The following TMEM131L variants were observed in gnomAD, a reference collection of about 807,000 sequenced individuals.
TMEM131L encodes transmembrane protein 131-like.
TMEM131L carries 54 observed loss-of-function variants against 192.2 expected under a neutral mutation model. The ratio of observed to expected loss-of-function variants is 0.28; its 90% CI spans 0.23 to 0.35. TMEM131L has a LOEUF of 0.35. Among genes scored for constraint, TMEM131L ranks in the 10% least tolerant of loss-of-function variants. The pLI is 1.00. For synonymous variants in TMEM131L, 701 were observed against 704.9 expected (o/e 0.99, Z 0.09); for missense variants, 1,888 against 1,972.9 (o/e 0.96, Z 0.82).
intron 16 of TMEM131L, among the ~76,000 whole-genome samples, chr4:153,589,380 G>A (rs2150817194): frequency 6.6e-6 from 1 of 152,230 alleles, no homozygotes; most frequent in African/African-American, 2.4e-5. Flanking sequence ...TTGAACAAAA[G>A]CACTGTGACG....
At chr4:153,504,469 G>A (rs552533029) in intron 3 of TMEM131L, among the ~76,000 whole-genome samples, 9 of 150,346 alleles carry the variant, frequency 6.0e-5, no homozygotes, top group South Asian at 4.2e-4. Flanking sequence ...TAGTAGAGAC[G>A]GGGTTTCACC....
chr4:153,529,189 A>G (rs1735714760), intron 3 of TMEM131L, among the ~76,000 whole-genome samples: 1 of 152,212 alleles, frequency 6.6e-6, no homozygotes, highest in Admixed American at 6.5e-5. Flanking sequence ...TCTGTAGAAA[A>G]TGGAAATGTT....
chr4:153,557,858 T>A (rs1284646676), intron 6 of TMEM131L, among the ~76,000 whole-genome samples: 1 of 152,186 alleles, frequency 6.6e-6, no homozygotes, highest in Admixed American at 6.5e-5. Flanking sequence ...TGGAGTGCAG[T>A]GGTGTGATCA....
intron 3 of TMEM131L, among the ~76,000 whole-genome samples, chr4:153,515,912 A>AT (rs58389534): frequency 0.066 from 8,765 of 132,622 alleles, 554 homozygotes; most frequent in East Asian, 0.25. Flanking sequence ...TCCTCTGCCC[A>AT]TTTTTTTTTT....
Position 153,523,530 on chromosome 4 carries a change from AAAG to A in TMEM131L, c.240-26539_240-26537del, listed in dbSNP as rs1224972210. On this transcript the variant is annotated intron_variant, in intron 3 of 34. Transcript: ENST00000409959. ...TAAGTCTGAAGGTAAGACTTGGTAA[AAAG>A]AAGGGGAAGTCTTTGAGGAAGAAGA... 2.0e-5 allele frequency among the ~76,000 whole-genome samples: 3 copies of A among 152,322 alleles called. No individual in the cohort carries two copies. In the South Asian group the frequency reaches 6.2e-4, roughly 32 times the overall value.
At chr4:153,617,015 T>C (rs1431462666) in intron 26 of TMEM131L, among the ~76,000 whole-genome samples, 3 of 152,216 alleles carry the variant, frequency 2.0e-5, no homozygotes, top group Admixed American at 1.3e-4. Flanking sequence ...GGTATTGATA[T>C]GGTTTGTCTG....
chr4:153,506,902 T>A (rs1734031137), intron 3 of TMEM131L, among the ~76,000 whole-genome samples: 1 of 149,206 alleles, frequency 6.7e-6, no homozygotes, highest in Non-Finnish European at 1.5e-5. Context: ...TATTTACAGA[T>A]CTGAGACTAA....
At chr4:153,525,401 G>A (rs1193742507) in intron 3 of TMEM131L, among the ~76,000 whole-genome samples, 2 of 151,896 alleles carry the variant, frequency 1.3e-5, no homozygotes, top group African/African-American at 2.4e-5. Context: ...GTGCAGTGGC[G>A]CTATCTCGGC....
chr4:153,511,533 T>G (rs759966012), intron 3 of TMEM131L, among the ~76,000 whole-genome samples: 18 of 152,134 alleles, frequency 1.2e-4, no homozygotes, highest in Non-Finnish European at 2.4e-4. Flanking sequence ...CTAAGCTTAG[T>G]AGCTGGGTGA....
chr4:153,631,053 T>G (rs1530107), intron 31 of TMEM131L, among the ~76,000 whole-genome samples: 1 of 152,110 alleles, frequency 6.6e-6, no homozygotes, highest in Non-Finnish European at 1.5e-5. Context: ...GCAGGGTTTC[T>G]TCAGGGCAGA....
At chr4:153,612,980 CAAG>C (rs1436691610) in intron 26 of TMEM131L, among the ~76,000 whole-genome samples, 1 of 152,080 alleles carries the variant, frequency 6.6e-6, no homozygotes, top group Non-Finnish European at 1.5e-5. Context: ...ACAGAAAAAT[CAAG>C]AAGTACAAAC....
intron 17 of TMEM131L, 70 bp from the exon 18 acceptor site, chr4:153,592,405 T>C: frequency 1.0e-6 from 1 of 999,344 alleles, no homozygotes; most frequent in Non-Finnish European, 1.6e-6. Flanking sequence ...GTTATGCTTT[T>C]TGGCCAGAAT....
At chr4:153,617,473 G>C (rs1415590161) in intron 26 of TMEM131L, among the ~76,000 whole-genome samples, 1 of 152,184 alleles carries the variant, frequency 6.6e-6, no homozygotes, top group Non-Finnish European at 1.5e-5. Context: ...ATTCTCCTCT[G>C]TGCGGCAAAA....
At chr4:153,478,339 CCTT>C (rs1561113972) in intron 3 of TMEM131L, among the ~76,000 whole-genome samples, 2 of 152,140 alleles carry the variant, frequency 1.3e-5, no homozygotes, top group Non-Finnish European at 2.9e-5. Flanking sequence ...TTACCTTCTA[CCTT>C]CTTAATTTTG....
chr4:153,612,491 A>C, intron 26 of TMEM131L, 91 bp downstream of exon 26: 1 of 946,246 alleles, frequency 1.1e-6, no homozygotes, highest in South Asian at 1.7e-5. Flanking sequence ...GTTTCACTGC[A>C]TTTGAATCCA....
At chr4:153,607,361 G>A (rs1265799713) in intron 25 of TMEM131L, among the ~76,000 whole-genome samples, 1 of 152,222 alleles carries the variant, frequency 6.6e-6, no homozygotes, top group African/African-American at 2.4e-5. Context: ...TGTGAAATGT[G>A]TGCTGTTTCC....
intron 3 of TMEM131L, among the ~76,000 whole-genome samples, chr4:153,508,202 G>A (rs1437152060): frequency 1.3e-5 from 2 of 152,174 alleles, no homozygotes; most frequent in African/African-American, 4.8e-5. Context: ...TTGGATATTT[G>A]GGTGTATGTG....
chr4:153,526,113 T>C (rs1334177005), intron 3 of TMEM131L, among the ~76,000 whole-genome samples: 1 of 152,092 alleles, frequency 6.6e-6, no homozygotes, highest in African/African-American at 2.4e-5. Context: ...CACCTCGGTC[T>C]CCCAAAGTAC....
intron 3 of TMEM131L, among the ~76,000 whole-genome samples, chr4:153,492,022 A>G (rs1186371024): frequency 6.6e-6 from 1 of 151,684 alleles, no homozygotes; most frequent in Non-Finnish European, 1.5e-5. Context: ...TTGTTTTGAG[A>G]TGGGGCCTTG....
Sources: allele counts gnomAD v4.1 joint callset (sites outside exome capture counted in the v4.1 genomes callset), GRCh38; gene constraint gnomAD v4.1.1; transcripts MANE v1.5; gene names NCBI Gene and HGNC (gene_info 2026-07-23, HGNC 2026-07-21).